The following GOSR2 variants were observed in gnomAD, a reference collection of about 807,000 sequenced individuals.
GOSR2 encodes golgi SNAP receptor complex member 2, also known as 27 kDa Golgi SNARE protein.
In GOSR2, 20 loss-of-function variants were observed where a neutral mutation model predicts 27.9. The observed-to-expected ratio is 0.72, with a 90% CI of 0.50 to 1.04. GOSR2 has a LOEUF of 1.04. GOSR2 is among the 50% of genes least tolerant of loss of function. The pLI is 0.00. For missense variants in GOSR2, 261 were observed against 270.5 expected, an observed-to-expected ratio of 0.97 and a Z score of 0.25; for synonymous variants, 91 against 98.8, an observed-to-expected ratio of 0.92 and a Z score of 0.47.
rs993925648 is a variant in GOSR2, at chr17:46,940,951, C to T, written c.*2191C>T. The T allele has an allele frequency of 8.0e-7, 1 of 1,248,296 alleles. No homozygotes were observed. Among genetic ancestry groups the T allele is most frequent in the Non-Finnish European group, 1.0e-6 (1 of 981,512 alleles). 77.3% of individuals were successfully genotyped at this position (1,248,296 alleles called of 1,614,324 possible). A position where few individuals can be genotyped will look rare whatever the true frequency, so the allele number is the denominator to read the frequency against. Reference sequence around the variant, plus strand: ...TAGACCTTGGCCTAACAGTGTGACTCTCTCCACCGCCTCAGTGTAGGGAAG... The same window carrying T: ...TAGACCTTGGCCTAACAGTGTGACTTTCTCCACCGCCTCAGTGTAGGGAAG... On this transcript the variant is annotated 3_prime_UTR_variant, in exon 6 of 6. Coordinates refer to ENST00000640051, the MANE Select transcript of GOSR2 (RefSeq NM_004287.5).
chr17:46,957,456 T>A (rs970261342), intron 6 of GOSR2, among the ~76,000 whole-genome samples: 1 of 151,686 alleles, frequency 6.6e-6, no homozygotes, highest in African/African-American at 2.4e-5. Context: ...CTACTAAAAA[T>A]ACAAAAACTA....
At chr17:46,935,490 A>T (rs1183011661) in intron 5 of GOSR2, 3 of 1,352,338 alleles carry the variant, frequency 2.2e-6, no homozygotes, top group Non-Finnish European at 2.8e-6. Flanking sequence ...TGTGTTACAG[A>T]ATCTACTCTT....
At chr17:46,936,547 C>G in intron 5 of GOSR2, 4 of 985,550 alleles carry the variant, frequency 4.1e-6, no homozygotes, top group Non-Finnish European at 4.8e-6. Flanking sequence ...TCGGGATTTT[C>G]CACCTACACC....
Position 46,940,960 on chromosome 17 carries a change from G to T in GOSR2, c.*2200G>T. 1.6e-6 allele frequency: 2 copies of T among 1,235,166 alleles called. No homozygotes were observed. The highest frequency in any genetic ancestry group is 2.1e-6 in the Non-Finnish European group (2 of 972,990). 76.5% of individuals were successfully genotyped at this position (1,235,166 alleles called of 1,614,324 possible). A position where few individuals can be genotyped will look rare whatever the true frequency, so the allele number is the denominator to read the frequency against. ...GCCTAACAGTGTGACTCTCTCCACC[G>T]CCTCAGTGTAGGGAAGGGTCCAGGC... On this transcript the variant is annotated 3_prime_UTR_variant, in exon 6 of 6. Coordinates refer to ENST00000640051, the MANE Select transcript of GOSR2 (RefSeq NM_004287.5).
chr17:46,940,283 C>T lies in GOSR2; in HGVS notation c.*1523C>T. On this transcript the variant is annotated 3_prime_UTR_variant, in exon 6 of 6. Coordinates refer to ENST00000640051, the MANE Select transcript of GOSR2 (RefSeq NM_004287.5). ...GGAGGAGATCTCCATTGTTCCTACC[C>T]CTCCGGGCCAAATGGGCCCCAGGTT... 1 of 1,435,678 alleles carries T rather than the reference C, an allele frequency of 7.0e-7. No homozygotes were observed. The highest frequency in any genetic ancestry group is 1.5e-5 in the South Asian group (1 of 67,110). The allele number at this position is 1,435,678 out of a possible 1,614,324, so 88.9% of individuals were successfully genotyped here. A position where few individuals can be genotyped will look rare whatever the true frequency, so the allele number is the denominator to read the frequency against.
exon 7 of GOSR2, chr17:46,966,697 A>C (rs1015920591): frequency 4.9e-5 from 25 of 512,330 alleles, no homozygotes; most frequent in Non-Finnish European, 7.7e-5. Flanking sequence ...GGTTCTATCA[A>C]CTATTAGCTG....
At chr17:46,944,503 C>T (rs993654610), downstream of GOSR2, among the ~76,000 whole-genome samples, 1 of 152,216 alleles carries the variant, frequency 6.6e-6, no homozygotes, top group African/African-American at 2.4e-5. Context: ...GGGCTGCTTC[C>T]TGGAGTCCCC....
In GOSR2 at chr17:46,932,305, A is replaced by T. The variant is rs746941175; in HGVS notation, c.336+106A>T. The T allele has an allele frequency of 6.8e-6, 9 of 1,331,280 alleles. No homozygotes were observed. The East Asian group carries it at 2.1e-4, about 31-fold the overall frequency. The allele number at this position is 1,331,280 out of a possible 1,614,324, so 82.5% of individuals were successfully genotyped here. On this transcript the variant is annotated intron_variant, in intron 4 of 5. Coordinates refer to ENST00000640051, the MANE Select transcript of GOSR2 (RefSeq NM_004287.5). ...TTTTGGGGGTGTCTGAAGAAGACTG[A>T]TGATGAGGAAACCAACTGGAAATGA...
chr17:46,946,455 CCGTCTCAAA>C (rs1568197077), downstream of GOSR2, among the ~76,000 whole-genome samples: 1 of 117,118 alleles, frequency 8.5e-6, no homozygotes, highest in Admixed American at 9.0e-5. Flanking sequence ...GAGCAAAACT[CCGTCTCAAA>C]AAAAAAAAAA....
chr17:46,975,759 C>T (rs969499929), downstream of GOSR2, among the ~76,000 whole-genome samples: 12 of 152,152 alleles, frequency 7.9e-5, no homozygotes, highest in South Asian at 2.1e-4. Context: ...TTAGTACACA[C>T]GCGTCTTCAC....
intron 6 of GOSR2, among the ~76,000 whole-genome samples, chr17:46,947,244 A>AC (rs2089978783): frequency 6.6e-6 from 1 of 152,098 alleles, no homozygotes; most frequent in Non-Finnish European, 1.5e-5. Flanking sequence ...ACTGCTCAGG[A>AC]AGCAGGGCAG....
In GOSR2 at chr17:46,939,034, A is replaced by G; in HGVS notation, c.*274A>G. 1 of 1,255,152 alleles carries G rather than the reference A, an allele frequency of 8.0e-7. No individual in the cohort carries two copies. Among genetic ancestry groups the G allele is most frequent in the Non-Finnish European group, 1.0e-6 (1 of 978,696 alleles). 77.8% of individuals were successfully genotyped at this position (1,255,152 alleles called of 1,614,324 possible). ...CTCTCGCTCTCACTGGGGGAGGGAA[A>G]GAATGGCTTTGGTGGCTTTGTTCAC... On this transcript the variant is annotated 3_prime_UTR_variant, in exon 6 of 6. Transcript: ENST00000640051.
chr17:46,964,067 C>G (rs1482299837), intron 6 of GOSR2: 1 of 152,248 alleles, frequency 6.6e-6, no homozygotes, highest in Non-Finnish European at 1.5e-5. Context: ...CCCACCTCAG[C>G]CTCCCAAAGT....
rs1039547882 is a variant in GOSR2 at position 46,935,453 on chromosome 17, G to A, written c.477+284G>A. 10 of 1,398,218 alleles carry A rather than the reference G, an allele frequency of 7.2e-6. No individual in the cohort carries two copies. In the Admixed American group the frequency reaches 9.2e-5, roughly 13 times the overall value. 86.6% of individuals were successfully genotyped at this position (1,398,218 alleles called of 1,614,324 possible). On this transcript the variant is annotated intron_variant, in intron 5 of 5. Transcript: ENST00000640051. ...TTATCATGAAAGTGAGTGCTACTAC[G>A]AGGGGTCCAATCACAGGCTGAGAAA...
At chr17:46,951,068 G>A (rs1185290315) in intron 6 of GOSR2, among the ~76,000 whole-genome samples, 3 of 152,210 alleles carry the variant, frequency 2.0e-5, no homozygotes, top group African/African-American at 4.8e-5. Context: ...GCCAGGCACA[G>A]CTAAGTCAGG....
intron 4 of GOSR2, 103 bp from the exon 5 acceptor site, chr17:46,934,926 C>T: frequency 2.0e-6 from 2 of 1,007,070 alleles, no homozygotes; most frequent in Non-Finnish European, 3.2e-6. Context: ...TTCACCAGCC[C>T]CTCCGGCTGT....
At position 46,938,619 on chromosome 17, in the gene GOSR2, T is replaced by C; in HGVS notation, c.498T>C (p.Leu166=). 1.2e-6 allele frequency: 2 copies of C among 1,614,126 alleles called. No individual in the cohort carries two copies. Among genetic ancestry groups the C allele is most frequent in the African/African-American group, 1.3e-5 (1 of 75,062 alleles). Residue 166 remains leucine, a synonymous_variant, in exon 6 of 6, where the codon CTT becomes CTC. Coordinates refer to ENST00000640051, the MANE Select transcript of GOSR2 (RefSeq NM_004287.5). ...CCCAGGGGACTCAGAAGAAGATCCT[T>C]GACATTGCCAACATGCTGGGCTTGT... ...LTLKGTQKKI[L]DIANMLGLSN... is the part of the protein sequence containing the mutation.
chr17:46,946,490 T>G, downstream of GOSR2, among the ~76,000 whole-genome samples: 1 of 141,672 alleles, frequency 7.1e-6, no homozygotes. Context: ...GTAGGTGGCC[T>G]GGGATATTCC....
At position 46,941,063 on chromosome 17, in the gene GOSR2, C is replaced by G; in HGVS notation, c.*2303C>G. 1 of 1,080,216 alleles carries G rather than the reference C, an allele frequency of 9.3e-7. No individual in the cohort carries two copies. Among genetic ancestry groups the G allele is most frequent in the South Asian group, 2.9e-5 (1 of 34,480 alleles). The allele number at this position is 1,080,216 out of a possible 1,614,324, so 66.9% of individuals were successfully genotyped here. A position where few individuals can be genotyped will look rare whatever the true frequency, so the allele number is the denominator to read the frequency against. On this transcript the variant is annotated 3_prime_UTR_variant, in exon 6 of 6. Transcript: ENST00000640051. ...GATGCAAGAAACTCCGGTAGCCAGC[C>G]TCTGTGACCTTGTACATGAGTTTGG...
Sources: gnomAD v4.1 joint callset for allele counts (sites outside exome capture counted in the v4.1 genomes callset) on GRCh38, gnomAD v4.1.1 for gene constraint, MANE v1.5 for transcripts, NCBI Gene and HGNC (gene_info 2026-07-23, HGNC 2026-07-21) for gene names.